Variants in STAU2 observed in about 807,000 individuals in gnomAD.
STAU2 encodes the protein staufen double-stranded RNA binding protein 2.
STAU2 carries 20 observed loss-of-function variants against 65.9 expected under a neutral mutation model. That is an observed-to-expected ratio of 0.30 (90% CI 0.21 to 0.44). The LOEUF (loss-of-function observed/expected upper bound fraction) is 0.44, where lower values mean the gene tolerates loss of function less well. Ranked by LOEUF, STAU2 falls within the 20% of genes least tolerant of loss-of-function variation. STAU2 has a pLI of 1.00. For missense variants in STAU2, 558 were observed against 683.9 expected (o/e 0.82, Z 2.05); for synonymous variants, 232 against 233.9 (o/e 0.99, Z 0.07).
At chr8:73,555,336 C>G (rs201151526) in intron 12 of STAU2, among the ~76,000 whole-genome samples, 4 of 152,040 alleles carry the variant, frequency 2.6e-5, no homozygotes, top group African/African-American at 7.3e-5. Flanking sequence ...CAAGAGCATA[C>G]AGAGTCAGAA....
chr8:73,629,160 T>C (rs989812123), intron 6 of STAU2, among the ~76,000 whole-genome samples: 14 of 152,166 alleles, frequency 9.2e-5, no homozygotes, highest in Non-Finnish European at 1.5e-4. Context: ...ACAGAAAAAA[T>C]TTACTTGGCA....
chr8:73,689,601 T>C (rs1378991109), intron 4 of STAU2, among the ~76,000 whole-genome samples: 3 of 152,184 alleles, frequency 2.0e-5, no homozygotes, highest in Admixed American at 2.0e-4. Context: ...TCTCACTGTA[T>C]TTCCATATGA....
At chr8:73,461,317 C>T (rs1445117632) in intron 13 of STAU2, among the ~76,000 whole-genome samples, 1 of 152,152 alleles carries the variant, frequency 6.6e-6, no homozygotes, top group Admixed American at 6.5e-5. Flanking sequence ...AAGGAAAACA[C>T]TACAGGCCAT....
chr8:73,511,500 T>C (rs1287081050), intron 13 of STAU2: 1 of 152,716 alleles, frequency 6.5e-6, no homozygotes, highest in African/African-American at 2.4e-5. Flanking sequence ...GGTTAGAGAC[T>C]TAACAAAGAG....
chr8:73,525,566 G>A (rs190775282), intron 13 of STAU2, among the ~76,000 whole-genome samples: 5 of 152,270 alleles, frequency 3.3e-5, no homozygotes, highest in Admixed American at 2.6e-4. Context: ...GTCCCCAAGA[G>A]GTGAAGAAAC....
At chr8:73,532,933 C>T (rs1805922978) in intron 13 of STAU2, among the ~76,000 whole-genome samples, 1 of 152,196 alleles carries the variant, frequency 6.6e-6, no homozygotes, top group African/African-American at 2.4e-5. Flanking sequence ...AGATATTCTG[C>T]CTCCTTAGGT....
intron 6 of STAU2, among the ~76,000 whole-genome samples, chr8:73,632,236 T>C (rs1274540453): frequency 6.6e-6 from 1 of 151,966 alleles, no homozygotes; most frequent in Non-Finnish European, 1.5e-5. Context: ...AAAATGAGTA[T>C]GTAAACAACT....
At chr8:73,625,944 A>AG (rs1400876426) in intron 6 of STAU2, among the ~76,000 whole-genome samples, 2 of 152,020 alleles carry the variant, frequency 1.3e-5, no homozygotes, top group Non-Finnish European at 2.9e-5. Context: ...TCTAATTGCT[A>AG]GGGGGGTATG....
At chr8:73,642,495 C>T (rs1405736698) in intron 6 of STAU2, among the ~76,000 whole-genome samples, 8 of 151,736 alleles carry the variant, frequency 5.3e-5, no homozygotes, top group Non-Finnish European at 7.4e-5. Context: ...TGCACTCCAG[C>T]GTGGCGACAG....
chr8:73,600,740 G>A (rs183486034), intron 10 of STAU2, among the ~76,000 whole-genome samples: 3 of 152,218 alleles, frequency 2.0e-5, no homozygotes, highest in Admixed American at 6.5e-5. Context: ...TTGTCTCTCC[G>A]TCTGCTAGAT....
At chr8:73,528,893 A>G (rs774964959) in intron 13 of STAU2, among the ~76,000 whole-genome samples, 7 of 152,106 alleles carry the variant, frequency 4.6e-5, no homozygotes, top group Non-Finnish European at 1.0e-4. Flanking sequence ...TTAATCATGT[A>G]TAATATGGAT....
At chr8:73,422,938 A>T (rs557995363) in intron 13 of STAU2, among the ~76,000 whole-genome samples, 10 of 152,214 alleles carry the variant, frequency 6.6e-5, no homozygotes, top group Non-Finnish European at 1.2e-4. Context: ...GTTTTGCAAA[A>T]TTGTGATGTT....
chr8:73,621,929 C>A (rs1298304808), intron 6 of STAU2, among the ~76,000 whole-genome samples: 1 of 151,248 alleles, frequency 6.6e-6, no homozygotes, highest in Non-Finnish European at 1.5e-5. Flanking sequence ...ATGCTTACTG[C>A]ACAATGGTTA....
At chr8:73,608,436 G>A (rs150991054) in intron 9 of STAU2, among the ~76,000 whole-genome samples, 19 of 150,758 alleles carry the variant, frequency 1.3e-4, no homozygotes, top group South Asian at 4.2e-4. Context: ...GTGAAAGCCC[G>A]TCTCTACTAA....
intron 3 of STAU2, among the ~76,000 whole-genome samples, chr8:73,715,404 C>G (rs141007276): frequency 1.4e-5 from 2 of 145,228 alleles, no homozygotes; most frequent in Non-Finnish European, 3.0e-5. Flanking sequence ...TGCAGTGAAC[C>G]GAGATGGCAC....
intron 6 of STAU2, among the ~76,000 whole-genome samples, chr8:73,644,093 C>T (rs1006552178): frequency 6.6e-6 from 1 of 152,094 alleles, no homozygotes; most frequent in African/African-American, 2.4e-5. Context: ...ATAGTGTATT[C>T]ACTGACCACA....
intron 6 of STAU2, among the ~76,000 whole-genome samples, chr8:73,668,379 AC>A (rs1817393267): frequency 6.6e-6 from 1 of 152,120 alleles, no homozygotes; most frequent in Admixed American, 6.6e-5. Flanking sequence ...TTTGCACATA[AC>A]CTAGTTTGAG....
At chr8:73,472,199 T>C (rs978706219) in intron 13 of STAU2, among the ~76,000 whole-genome samples, 6 of 152,136 alleles carry the variant, frequency 3.9e-5, no homozygotes, top group African/African-American at 1.4e-4. Context: ...GAGATGACAT[T>C]ACGTTTAAAA....
chr8:73,486,491 A>T (rs1820912775), intron 13 of STAU2, among the ~76,000 whole-genome samples: 1 of 151,782 alleles, frequency 6.6e-6, no homozygotes. Context: ...TCACAAACAT[A>T]CTTCAGACTG....
Sources: allele counts gnomAD v4.1 joint callset (sites outside exome capture counted in the v4.1 genomes callset), GRCh38; gene constraint gnomAD v4.1.1; transcripts MANE v1.5; gene names NCBI Gene and HGNC (gene_info 2026-07-23, HGNC 2026-07-21).